IDH3A: variants seen among roughly 807,000 people sequenced by gnomAD.
IDH3A encodes the protein isocitrate dehydrogenase [NAD] subunit alpha, mitochondrial.
Under a neutral mutation model 43.3 loss-of-function variants are expected in IDH3A, and 23 were observed. That is an observed-to-expected ratio of 0.53 (90% CI 0.38 to 0.75). The LOEUF (loss-of-function observed/expected upper bound fraction) is 0.75, where lower values mean the gene tolerates loss of function less well. Among genes scored for constraint, IDH3A ranks in the 30% least tolerant of loss-of-function variants. IDH3A has a pLI of 0.00. For missense variants in IDH3A, 329 were observed against 474.4 expected (o/e 0.69, Z 2.85); for synonymous variants, 154 against 163.5 (o/e 0.94, Z 0.44).
At chr15:78,154,846 C>G (rs988531285) in intron 1 of IDH3A, 1 of 165,198 alleles carries the variant, frequency 6.1e-6, no homozygotes, top group Non-Finnish European at 1.3e-5. Context: ...ATATGTTACC[C>G]CTAAATTGAC....
chr15:78,153,504 G>A (rs2074596823), intron 1 of IDH3A, among the ~76,000 whole-genome samples: 1 of 152,152 alleles, frequency 6.6e-6, no homozygotes, highest in South Asian at 2.1e-4. Flanking sequence ...CAATGGTTTT[G>A]GCATTCTTTT....
chr15:78,166,200 A>G lies in IDH3A; in HGVS notation c.915A>G (p.Thr305=). 6.2e-7 allele frequency: 1 copy of G among 1,614,118 alleles called. No homozygotes were observed. The highest frequency in any genetic ancestry group is 8.5e-7 in the Non-Finnish European group (1 of 1,179,942). The change falls in exon 10 of 11, where the codon ACA becomes ACG. Residue 305 remains threonine (T), a synonymous_variant. Coordinates refer to ENST00000299518, the MANE Select transcript of IDH3A (RefSeq NM_005530.3). ...CAGGCAAGGACATGGCGAATCCCAC[A>G]GCCCTCCTGCTCAGTGCCGTGATGA... ...DIAGKDMANP[T]ALLLSAVMML...
chr15:78,156,268 C>T (rs2074622286), intron 2 of IDH3A, among the ~76,000 whole-genome samples: 1 of 152,056 alleles, frequency 6.6e-6, no homozygotes, highest in African/African-American at 2.4e-5. Context: ...AAAAAATTAG[C>T]TTGATGGAGG....
intron 1 of IDH3A, chr15:78,150,933 C>T (rs573974401): frequency 6.6e-6 from 1 of 152,310 alleles, no homozygotes; most frequent in East Asian, 1.9e-4. Flanking sequence ...AATCTCTGAA[C>T]TTACATTTAA....
In IDH3A at chr15:78,162,297, G is replaced by A. The variant is rs977997689; in HGVS notation, c.541G>A (p.Glu181Lys). Residue 181 changes from glutamate to lysine, a missense_variant, in exon 6 of 11, where the codon GAG (glutamate) becomes AAG (lysine). By Grantham distance (56) the Glu-to-Lys change is moderately conservative. This residue lies in a region of IDH3A where 212 missense variants were observed against 345.5 expected (regional missense o/e 0.61). Transcript: ENST00000299518. ...CGAGGGGGCGAGCAAGCGCATTGCT[G>A]AGTTTGCCTTTGAGTATGCCCGGAA... is the stretch of plus-strand genomic sequence containing the variant. Reference protein sequence around the residue: ...ITEGASKRIAEFAFEYARNNH... With the variant: ...ITEGASKRIAKFAFEYARNNH... The A allele has an allele frequency of 1.9e-6, 3 of 1,614,080 alleles. No homozygotes were observed. The highest frequency in any genetic ancestry group is 1.7e-6 in the Non-Finnish European group (2 of 1,180,048).
At chr15:78,151,930 G>A (rs114903147) in intron 1 of IDH3A, among the ~76,000 whole-genome samples, 3,461 of 152,106 alleles carry the variant, frequency 0.023, 52 homozygotes, top group East Asian at 0.07. Flanking sequence ...TAGAGGTAGG[G>A]TCTCACTCTG....
At position 78,163,614 on chromosome 15, in the gene IDH3A, G is replaced by A; in HGVS notation, c.714+5G>A. 6.3e-7 allele frequency: 1 copy of A among 1,575,456 alleles called. No individual in the cohort carries two copies. The highest frequency in any genetic ancestry group is 1.1e-5 in the South Asian group (1 of 90,158). Reference sequence around the variant, plus strand: ...CTTGATACAGTATGTTTGAATGTAAGTATATATTCACACTTACCTGCTACT... The same window carrying A: ...CTTGATACAGTATGTTTGAATGTAAATATATATTCACACTTACCTGCTACT... On this transcript the variant is annotated splice_donor_5th_base_variant and intron_variant, in intron 7 of 10. Transcript: ENST00000299518.
At chr15:78,166,394 C>T in intron 10 of IDH3A, 92 bp downstream of exon 10, 1 of 1,305,880 alleles carries the variant, frequency 7.7e-7, no homozygotes, top group Non-Finnish European at 1.1e-6. Flanking sequence ...GATAATAGTT[C>T]TCAGGCGGGC....
At chr15:78,164,939 G>C (rs975242316) in intron 8 of IDH3A, 53 bp from the exon 9 acceptor site, 1 of 1,364,406 alleles carries the variant, frequency 7.3e-7, no homozygotes, top group Non-Finnish European at 1.0e-6. Context: ...CTGGGTGCTA[G>C]GTGAGATGTT....
chr15:78,161,655 G>T lies in IDH3A; in HGVS notation c.364G>T (p.Ala122Ser), dbSNP rs756333430. The T allele has an allele frequency of 1.9e-6, 3 of 1,614,124 alleles. No individual in the cohort carries two copies. In the Middle Eastern group the frequency reaches 4.9e-4, roughly 266 times the overall value. The part of the protein sequence containing the change: ...LLLRKTFDLY[A>S]NVRPCVSIEG... ...GCTGCGCAAAACATTTGACCTTTAC[G>T]CGAATGTCCGACCATGTGTCTCTAT... is the stretch of plus-strand genomic sequence containing the variant. The change falls in exon 5 of 11, where the codon GCG (alanine) becomes TCG (serine). Residue 122 changes from alanine (A) to serine (S), a missense_variant. Around this residue, in one of 3 missense-constraint regions of IDH3A, gnomAD observed 212 missense variants for 345.5 expected, o/e 0.61. Transcript: ENST00000299518. The surrounding 1 kb of genome is among the most constrained non-coding windows in gnomAD (Gnocchi z 4.8).
chr15:78,165,608 A>C (rs1292902264), intron 9 of IDH3A, among the ~76,000 whole-genome samples: 1 of 152,158 alleles, frequency 6.6e-6, no homozygotes, highest in East Asian at 1.9e-4. Flanking sequence ...TTTACCAAAA[A>C]TTGACTGAAA....
At position 78,163,618 on chromosome 15, in the gene IDH3A, A is replaced by G. The variant is rs768732977; in HGVS notation, c.714+9A>G. On this transcript the variant is annotated intron_variant, in intron 7 of 10. Transcript: ENST00000299518. ...ATACAGTATGTTTGAATGTAAGTAT[A>G]TATTCACACTTACCTGCTACTTTTT... 4.5e-6 allele frequency: 7 copies of G among 1,562,712 alleles called. No homozygotes were observed. Among genetic ancestry groups the G allele is most frequent in the Non-Finnish European group, 6.2e-6 (7 of 1,133,374 alleles).
At chr15:78,157,238 CTT>C (rs2074630253) in intron 2 of IDH3A, 4 of 951,472 alleles carry the variant, frequency 4.2e-6, no homozygotes, top group Non-Finnish European at 5.3e-6. Context: ...CTCTTTGCAG[CTT>C]GTCTGAAAAG....
chr15:78,155,327 G>A (rs770938285), intron 2 of IDH3A, 52 bp downstream of exon 2: 3 of 1,238,968 alleles, frequency 2.4e-6, no homozygotes, highest in Non-Finnish European at 3.5e-6. Context: ...TCTCAAGAAA[G>A]ATGCTCTAAC....
Position 78,170,030 on chromosome 15 carries a change from C to T in IDH3A, c.*1025C>T, listed in dbSNP as rs968517001. The T allele has an allele frequency of 6.6e-6, 1 of 152,244 alleles. No individual in the cohort carries two copies. Among genetic ancestry groups the T allele is most frequent in the Admixed American group, 6.5e-5 (1 of 15,288 alleles). The allele number at this position is 152,244 out of a possible 1,614,324, so 9.4% of individuals were successfully genotyped here. ...CCAAAGCACCAATTACTGCCCTCTG[C>T]CTCAGCAGTACCAGTATAAGATGAC... On this transcript the variant is annotated 3_prime_UTR_variant, in exon 11 of 11. Transcript: ENST00000299518.
At chr15:78,162,471 C>T in intron 6 of IDH3A, 104 bp downstream of exon 6, 1 of 1,270,904 alleles carries the variant, frequency 7.9e-7, no homozygotes, top group South Asian at 1.4e-5. Flanking sequence ...TTCCTAATAT[C>T]TTTGAAAAAG....
In IDH3A at chr15:78,162,381, G is replaced by A. The variant is rs748290703; in HGVS notation, c.611+14G>A. On this transcript the variant is annotated intron_variant, in intron 6 of 10. Transcript: ENST00000299518. ...AGCCAACATCATGTGAGCTCCTTGC[G>A]GGGGCCGGCACCCCATCTTGCTTTG... is the stretch of plus-strand genomic sequence containing the variant. The A allele has an allele frequency of 2.1e-5, 34 of 1,612,206 alleles. No homozygotes were observed. Among genetic ancestry groups the A allele is most frequent in the Admixed American group, 1.2e-4 (7 of 59,948 alleles).
chr15:78,162,150 T>C, intron 5 of IDH3A, 84 bp from the exon 6 acceptor site: 1 of 1,459,522 alleles, frequency 6.9e-7, no homozygotes, highest in Non-Finnish European at 9.5e-7. Context: ...CTGCCACAAA[T>C]GTTACTGTCT....
Position 78,161,326 on chromosome 15 carries a change from C to T in IDH3A, c.290-255C>T, listed in dbSNP as rs28521691. Among the ~76,000 whole-genome samples the T allele has an allele frequency of 1.3e-3, 195 of 152,120 alleles. No individual in the cohort carries two copies. Among genetic ancestry groups the T allele is most frequent in the African/African-American group, 4.5e-3 (188 of 41,490 alleles). On this transcript the variant is annotated intron_variant, in intron 4 of 10. Coordinates refer to ENST00000299518, the MANE Select transcript of IDH3A (RefSeq NM_005530.3). The surrounding 1 kb of genome is among the most constrained non-coding windows in gnomAD (Gnocchi z 4.8). ...TGACAGTAACAGAGTTGCTGTTGTA[C>T]GGGGTGATGATAAGGATTATATCAT... is the stretch of plus-strand genomic sequence containing the variant.
Sources: allele counts gnomAD v4.1 joint callset (sites outside exome capture counted in the v4.1 genomes callset), GRCh38; gene constraint gnomAD v4.1.1; regional missense constraint gnomAD v4.1.1; non-coding constraint Gnocchi (gnomAD v3.1); transcripts MANE v1.5; gene names NCBI Gene and HGNC (gene_info 2026-07-23, HGNC 2026-07-21).